RIMS1: variants seen among roughly 807,000 people sequenced by gnomAD.
RIMS1 encodes regulating synaptic membrane exocytosis 1.
Under a neutral mutation model 214.1 loss-of-function variants are expected in RIMS1, and 83 were observed. That is an observed-to-expected ratio of 0.39 (90% CI 0.32 to 0.47). RIMS1 has a LOEUF of 0.47. RIMS1 is among the 20% of genes least tolerant of loss of function. The probability of loss-of-function intolerance (pLI) is 0.99; values close to 1 mark genes in which losing one functional copy is unlikely to be tolerated. For synonymous variants in RIMS1, 793 were observed against 786.8 expected, an observed-to-expected ratio of 1.01 and a Z score of -0.13; for missense variants, 2,050 against 2,161.8, an observed-to-expected ratio of 0.95 and a Z score of 1.03.
chr6:71,887,329 A>AG, intron 1 of RIMS1, 142 bp downstream of exon 1: 1 of 1,072,834 alleles, frequency 9.3e-7, no homozygotes, highest in Non-Finnish European at 1.4e-6. Flanking sequence ...GCCTTGGGCC[A>AG]GGGGCGCGGG....
At chr6:72,363,341 G>T (rs755386059) in intron 29 of RIMS1, among the ~76,000 whole-genome samples, 16 of 152,212 alleles carry the variant, frequency 1.1e-4, no homozygotes, top group Non-Finnish European at 2.1e-4. Flanking sequence ...GCCAGCTCCA[G>T]TAAGGCTTTG....
At chr6:72,117,541 A>G (rs1054923675) in intron 4 of RIMS1, among the ~76,000 whole-genome samples, 2 of 152,026 alleles carry the variant, frequency 1.3e-5, no homozygotes, top group Non-Finnish European at 2.9e-5. Flanking sequence ...ACAAGTCTAA[A>G]TAAATTTAAG....
At chr6:72,337,655 A>G (rs930785230) in intron 29 of RIMS1, among the ~76,000 whole-genome samples, 5 of 151,246 alleles carry the variant, frequency 3.3e-5, no homozygotes, top group African/African-American at 1.2e-4. Flanking sequence ...TTTGTTACAT[A>G]TGTATACATG....
chr6:72,005,752 CTAGAGA>C (rs1021859294), intron 2 of RIMS1, among the ~76,000 whole-genome samples: 2 of 152,172 alleles, frequency 1.3e-5, no homozygotes, highest in Admixed American at 1.3e-4. Flanking sequence ...GAGCTTCATA[CTAGAGA>C]TAAAGTAAGG....
At chr6:72,063,309 G>T (rs1828407813) in intron 2 of RIMS1, among the ~76,000 whole-genome samples, 1 of 152,170 alleles carries the variant, frequency 6.6e-6, no homozygotes, top group South Asian at 2.1e-4. Context: ...CTCAGGCACA[G>T]AAATGCAAGT....
At chr6:71,987,516 T>A (rs1265030505) in intron 2 of RIMS1, among the ~76,000 whole-genome samples, 1 of 152,114 alleles carries the variant, frequency 6.6e-6, no homozygotes, top group African/African-American at 2.4e-5. Flanking sequence ...CCCAATACCA[T>A]CCCATTGGGT....
intron 19 of RIMS1, among the ~76,000 whole-genome samples, chr6:72,264,680 G>A (rs1308545936): frequency 1.3e-5 from 2 of 152,118 alleles, no homozygotes; most frequent in Non-Finnish European, 2.9e-5. Context: ...CAGAGATTAA[G>A]TAGCACATTT....
intron 4 of RIMS1, among the ~76,000 whole-genome samples, chr6:72,173,300 T>A (rs1045134195): frequency 2.0e-5 from 3 of 152,264 alleles, no homozygotes; most frequent in Middle Eastern, 3.4e-3. Context: ...AATTTCATAA[T>A]GATTTTTATC....
At chr6:72,125,781 G>A (rs2039391551) in intron 4 of RIMS1, among the ~76,000 whole-genome samples, 1 of 152,212 alleles carries the variant, frequency 6.6e-6, no homozygotes, top group Non-Finnish European at 1.5e-5. Context: ...TGTGGACGTG[G>A]GACCCACCAA....
intron 23 of RIMS1, among the ~76,000 whole-genome samples, chr6:72,279,438 C>T (rs2088817233): frequency 6.6e-6 from 1 of 151,816 alleles, no homozygotes; most frequent in African/African-American, 2.4e-5. Context: ...TTCTTTAGTA[C>T]ATTGTGAACT....
intron 6 of RIMS1, among the ~76,000 whole-genome samples, chr6:72,197,359 C>G (rs1399572898): frequency 2.0e-5 from 3 of 152,016 alleles, no homozygotes; most frequent in Non-Finnish European, 4.4e-5. Context: ...AACCAAGACA[C>G]ATTGACCCTG....
At chr6:72,241,318 G>A (rs1042040710) in intron 9 of RIMS1, among the ~76,000 whole-genome samples, 32 of 152,194 alleles carry the variant, frequency 2.1e-4, no homozygotes, top group Non-Finnish European at 2.9e-5. Context: ...ATAAGCATGA[G>A]CATCAACAAA....
At chr6:71,983,584 T>C (rs1290802067) in intron 2 of RIMS1, among the ~76,000 whole-genome samples, 1 of 152,146 alleles carries the variant, frequency 6.6e-6, no homozygotes, top group African/African-American at 2.4e-5. Context: ...AGTAAATAAG[T>C]CATCAGATGT....
intron 4 of RIMS1, among the ~76,000 whole-genome samples, chr6:72,110,082 G>C (rs911795818): frequency 7.1e-4 from 108 of 152,092 alleles, no homozygotes; most frequent in African/African-American, 2.1e-3. Context: ...GGTACCAGTA[G>C]CATGCTGTTT....
intron 2 of RIMS1, among the ~76,000 whole-genome samples, chr6:72,067,670 C>G (rs1441090219): frequency 6.6e-6 from 1 of 152,174 alleles, no homozygotes; most frequent in East Asian, 1.9e-4. Context: ...TCTTACTCAA[C>G]ATGATATCCC....
At chr6:72,214,876 C>A (rs2055115216) in intron 6 of RIMS1, among the ~76,000 whole-genome samples, 1 of 152,046 alleles carries the variant, frequency 6.6e-6, no homozygotes, top group Non-Finnish European at 1.5e-5. Context: ...CACCCACCAC[C>A]ACACGCAGCT....
At chr6:72,004,892 A>AT (rs1391079873) in intron 2 of RIMS1, among the ~76,000 whole-genome samples, 6 of 151,736 alleles carry the variant, frequency 4.0e-5, no homozygotes, top group African/African-American at 1.5e-4. Context: ...CCATTTGTCA[A>AT]TTTTGGCTTT....
intron 27 of RIMS1, among the ~76,000 whole-genome samples, chr6:72,313,152 G>T (rs1209724333): frequency 6.6e-6 from 1 of 151,854 alleles, no homozygotes; most frequent in Non-Finnish European, 1.5e-5. Flanking sequence ...GAATAAAATG[G>T]ACAAGAATGA....
At chr6:72,262,069 A>C in intron 19 of RIMS1, 1 of 984,928 alleles carries the variant, frequency 1.0e-6, no homozygotes, top group Non-Finnish European at 1.2e-6. Context: ...ACACAAAACA[A>C]ACACAAAAAA....
Sources: allele counts gnomAD v4.1 joint callset (sites outside exome capture counted in the v4.1 genomes callset), GRCh38; gene constraint gnomAD v4.1.1; transcripts MANE v1.5; gene names NCBI Gene and HGNC (gene_info 2026-07-23, HGNC 2026-07-21).